Variants in SLC9C1 observed in about 807,000 individuals in gnomAD.
SLC9C1 encodes solute carrier family 9 member C1.
In SLC9C1, 97 loss-of-function variants were observed where a neutral mutation model predicts 140.9. The observed-to-expected ratio is 0.69, with a 90% CI of 0.58 to 0.82. SLC9C1 has a LOEUF of 0.82. Ranked by LOEUF, SLC9C1 falls within the 40% of genes least tolerant of loss-of-function variation. SLC9C1 has a pLI of 0.00. For missense variants in SLC9C1, 1,340 were observed against 1,389.3 expected (o/e 0.96, Z 0.56); for synonymous variants, 440 against 442.6 (o/e 0.99, Z 0.07).
rs957177564 is a variant in SLC9C1 at position 112,277,991 on chromosome 3, G to A, written c.319-131C>T. ...GTACCCACCAGCAGACACAGGAGTG[G>A]GGCCATCTAGCTCACGCTGCTTCAG... On this transcript the variant is annotated intron_variant, in intron 4 of 28. Transcript: ENST00000305815. 24 of 638,270 alleles carry A rather than the reference G, an allele frequency of 3.8e-5. No homozygotes were observed. In the Admixed American group the frequency reaches 7.3e-4, roughly 20 times the overall value. 39.5% of individuals were successfully genotyped at this position (638,270 alleles called of 1,614,324 possible). A position where few individuals can be genotyped will look rare whatever the true frequency, so the allele number is the denominator to read the frequency against.
At chr3:112,280,468 T>C (rs1441955084) in intron 3 of SLC9C1, among the ~76,000 whole-genome samples, 3 of 152,156 alleles carry the variant, frequency 2.0e-5, no homozygotes, top group African/African-American at 4.8e-5. Context: ...TCAGTAGCTG[T>C]ATGTACTCAG....
intron 11 of SLC9C1, among the ~76,000 whole-genome samples, chr3:112,241,521 T>C (rs1284269073): frequency 6.6e-6 from 1 of 152,140 alleles, no homozygotes; most frequent in Non-Finnish European, 1.5e-5. Context: ...GGCCACATTA[T>C]CCAAAGCAAT....
chr3:112,289,785 C>T (rs977550005), intron 1 of SLC9C1, among the ~76,000 whole-genome samples: 17 of 152,240 alleles, frequency 1.1e-4, no homozygotes, highest in African/African-American at 3.9e-4. Context: ...CTAAACATAT[C>T]AAGAACTGTA....
chr3:112,259,865 A>G (rs956128121), intron 10 of SLC9C1, among the ~76,000 whole-genome samples: 8 of 152,180 alleles, frequency 5.3e-5, no homozygotes, highest in Non-Finnish European at 1.0e-4. Flanking sequence ...GTTGTTACCT[A>G]CAGACTTTTT....
chr3:112,218,799 T>C (rs1233238349), intron 14 of SLC9C1, among the ~76,000 whole-genome samples: 1 of 152,180 alleles, frequency 6.6e-6, no homozygotes, highest in Non-Finnish European at 1.5e-5. Context: ...GTGATATCTA[T>C]GTGTGACACT....
At chr3:112,240,039 G>GAAACAC in intron 11 of SLC9C1, 33 bp from the exon 12 acceptor site, 1 of 1,557,954 alleles carries the variant, frequency 6.4e-7, no homozygotes, top group Non-Finnish European at 8.7e-7. Flanking sequence ...ATAAATAGTA[G>GAAACAC]AAACACCACA....
chr3:112,199,387 T>C lies in SLC9C1; in HGVS notation c.2457A>G (p.Thr819=). 1 of 1,600,380 alleles carries C rather than the reference T, an allele frequency of 6.2e-7. No individual in the cohort carries two copies. The part of the protein sequence containing the change: ...EEINVMLNMA[T]EILKAFGLKG... The stretch of plus-strand genomic sequence containing the variant: ...TTAAGCCAAAAGCCTTAAGAATTTC[T>C]GTAGCCATATTGAGCATAACATTAA... Residue 819 remains threonine, a synonymous_variant, in exon 20 of 29, where the codon ACA becomes ACG. Coordinates refer to ENST00000305815, the MANE Select transcript of SLC9C1 (RefSeq NM_183061.3).
At chr3:112,264,780 G>T (rs1337794590) in intron 8 of SLC9C1, among the ~76,000 whole-genome samples, 1 of 152,058 alleles carries the variant, frequency 6.6e-6, no homozygotes, top group Non-Finnish European at 1.5e-5. Context: ...AAGAGTAGAA[G>T]TTGGTACATA....
Position 112,199,335 on chromosome 3 carries a change from C to T in SLC9C1, c.2509G>A (p.Ala837Thr). ...LKGIISKTEG[A>T]GINKLIMAKK... Reference sequence around the variant, plus strand: ...TTTTGCCTTACCTTATTAATTCCAGCACCTTCAGTTTTACTAATAATTCCT... The same window carrying T: ...TTTTGCCTTACCTTATTAATTCCAGTACCTTCAGTTTTACTAATAATTCCT... Residue 837 changes from alanine to threonine, a missense_variant, in exon 20 of 29, where the codon GCT (alanine) becomes ACT (threonine). Transcript: ENST00000305815. The T allele has an allele frequency of 1.0e-5, 16 of 1,571,818 alleles. No homozygotes were observed. The highest frequency in any genetic ancestry group is 1.4e-5 in the Non-Finnish European group (16 of 1,162,926).
In SLC9C1 at chr3:112,280,090, T is replaced by C. The variant is rs9843431; in HGVS notation, c.189+593A>G. ...AAACTGCTTCTGGTTCTTACATGAA[T>C]ACATGTTTTGTATAATATTTTTAAC... On this transcript the variant is annotated intron_variant, in intron 3 of 28. Coordinates refer to ENST00000305815, the MANE Select transcript of SLC9C1 (RefSeq NM_183061.3). Among the ~76,000 whole-genome samples, 1,522 of 152,340 alleles carry C rather than the reference T, an allele frequency of 1.0e-2. 25 individuals are homozygous for C. The highest frequency in any genetic ancestry group is 0.034 in the African/African-American group (1,419 of 41,582).
At chr3:112,243,798 C>G (rs1033499699) in intron 11 of SLC9C1, among the ~76,000 whole-genome samples, 197 bp downstream of exon 11, 1 of 151,860 alleles carries the variant, frequency 6.6e-6, no homozygotes, top group Non-Finnish European at 1.5e-5. Flanking sequence ...TCCAGCGATC[C>G]TCCCCAATCA....
chr3:112,248,965 G>T (rs2108249748), intron 10 of SLC9C1, among the ~76,000 whole-genome samples: 1 of 151,970 alleles, frequency 6.6e-6, no homozygotes, highest in African/African-American at 2.4e-5. Context: ...GATTGCTCTG[G>T]CTAGGACTCT....
chr3:112,222,748 A>T (rs1373564094), intron 13 of SLC9C1, among the ~76,000 whole-genome samples: 1 of 152,192 alleles, frequency 6.6e-6, no homozygotes, highest in East Asian at 1.9e-4. Flanking sequence ...TTGGGAAGTG[A>T]CTAAAAGACA....
chr3:112,282,243 T>G (rs1461779282), intron 2 of SLC9C1, among the ~76,000 whole-genome samples: 6 of 152,206 alleles, frequency 3.9e-5, no homozygotes, highest in African/African-American at 9.7e-5. Context: ...TCTTTACCAG[T>G]GCGATCCTGA....
chr3:112,225,550 A>T lies in SLC9C1; in HGVS notation c.1573-4325T>A, dbSNP rs200669020. The stretch of plus-strand genomic sequence containing the variant: ...GGAAATACACACCAACCAAAAAAAA[A>T]AACACATGACACCTTTCAATAATAT... On this transcript the variant is annotated intron_variant, in intron 13 of 28. Coordinates refer to ENST00000305815, the MANE Select transcript of SLC9C1 (RefSeq NM_183061.3). 7.3e-5 allele frequency among the ~76,000 whole-genome samples: 11 copies of T among 151,666 alleles called. 1 individual carries two copies. The highest frequency in any genetic ancestry group is 3.9e-4 in the Admixed American group (6 of 15,232).
At chr3:112,163,988 A>T (rs2075387307) in intron 26 of SLC9C1, among the ~76,000 whole-genome samples, 1 of 152,146 alleles carries the variant, frequency 6.6e-6, no homozygotes, top group South Asian at 2.1e-4. Context: ...TAGGATAGTT[A>T]GCTCTTCTTG....
At position 112,262,738 on chromosome 3, in the gene SLC9C1, T is replaced by C. The variant is rs187927819; in HGVS notation, c.1197+186A>G. ...GTTTTAATTACTTTGATCTTTGTAATAAACCTATTTCAGGGGAGAAGGAAA... is the reference window on the plus strand; with the variant it reads ...GTTTTAATTACTTTGATCTTTGTAACAAACCTATTTCAGGGGAGAAGGAAA... On this transcript the variant is annotated intron_variant, in intron 10 of 28. Transcript: ENST00000305815. Among the ~76,000 whole-genome samples the C allele has an allele frequency of 3.0e-3, 454 of 152,016 alleles. 2 individuals carry two copies. The highest frequency in any genetic ancestry group is 4.3e-3 in the Non-Finnish European group (289 of 67,872).
intron 3 of SLC9C1, 76 bp downstream of exon 3, chr3:112,280,607 G>T: frequency 7.7e-7 from 1 of 1,304,692 alleles, no homozygotes; most frequent in Non-Finnish European, 1.0e-6. Context: ...AATAACTTTT[G>T]CAAATTTTAA....
At chr3:112,149,733 C>T (rs2074904594) in intron 28 of SLC9C1, among the ~76,000 whole-genome samples, 1 of 152,112 alleles carries the variant, frequency 6.6e-6, no homozygotes, top group Admixed American at 6.5e-5. Flanking sequence ...GGTTGCATGG[C>T]TCAAGCTGCT....
Sources: gnomAD v4.1 joint callset for allele counts (sites outside exome capture counted in the v4.1 genomes callset) on GRCh38, gnomAD v4.1.1 for gene constraint, MANE v1.5 for transcripts, NCBI Gene and HGNC (gene_info 2026-07-23, HGNC 2026-07-21) for gene names.